The following HECTD4 variants were observed in gnomAD, a reference collection of about 807,000 sequenced individuals.
HECTD4 encodes probable E3 ubiquitin-protein ligase HECTD4.
A neutral mutation model predicts 471.5 loss-of-function variants in HECTD4; 114 were observed. That is an observed-to-expected ratio of 0.24 (90% CI 0.21 to 0.28). The LOEUF is 0.28. Ranked by LOEUF, HECTD4 falls within the 10% of genes least tolerant of loss-of-function variation. The probability of loss-of-function intolerance (pLI) is 1.00; values close to 1 mark genes in which losing one functional copy is unlikely to be tolerated. For synonymous variants in HECTD4, 2,012 were observed against 2,256.0 expected (o/e 0.89, Z 3.07); for missense variants, 3,866 against 5,651.5 (o/e 0.68, Z 10.13).
chr12:112,242,468 C>T (rs2033661933), intron 32 of HECTD4, among the ~76,000 whole-genome samples: 1 of 151,770 alleles, frequency 6.6e-6, no homozygotes, highest in Non-Finnish European at 1.5e-5. Context: ...AATACATTAG[C>T]TGGGCATGGT....
chr12:112,375,771 T>G (rs894939540), intron 1 of HECTD4, among the ~76,000 whole-genome samples: 1 of 152,128 alleles, frequency 6.6e-6, no homozygotes, highest in African/African-American at 2.4e-5. Flanking sequence ...TTTCAACATT[T>G]TAAAAAAATT....
At chr12:112,341,216 A>T (rs1319675226) in intron 1 of HECTD4, among the ~76,000 whole-genome samples, 1 of 152,186 alleles carries the variant, frequency 6.6e-6, no homozygotes, top group East Asian at 1.9e-4. Context: ...GCCACCTGCT[A>T]GGGAACATAC....
At chr12:112,236,175 ACT>A (rs1373176077) in intron 35 of HECTD4, among the ~76,000 whole-genome samples, 1 of 152,126 alleles carries the variant, frequency 6.6e-6, no homozygotes, top group African/African-American at 2.4e-5. Flanking sequence ...CAGAGTGAAG[ACT>A]CAATTTCCCA....
chr12:112,262,625 A>ATTATTT (rs146947965), intron 17 of HECTD4, among the ~76,000 whole-genome samples: 54,432 of 148,320 alleles, frequency 0.37, 14,801 homozygotes, highest in East Asian at 0.85. Flanking sequence ...TATTATTATT[A>ATTATTT]TATTTTTTGA....
intron 60 of HECTD4, among the ~76,000 whole-genome samples, chr12:112,189,550 C>CAAAAAAAAAAAAAAA (rs57209316): frequency 2.0e-4 from 6 of 30,464 alleles, no homozygotes; most frequent in African/African-American, 4.5e-4. Flanking sequence ...GACTCCGTCT[C>CAAAAAAAAAAAAAAA]AAAAAAAAAA....
At chr12:112,231,964 C>T (rs948073462) in intron 38 of HECTD4, among the ~76,000 whole-genome samples, 8 of 152,146 alleles carry the variant, frequency 5.3e-5, no homozygotes, top group African/African-American at 1.9e-4. Context: ...CCGACACAGA[C>T]TGCATTTCAT....
chr12:112,290,937 C>T (rs993054373), intron 7 of HECTD4, among the ~76,000 whole-genome samples: 1 of 151,820 alleles, frequency 6.6e-6, no homozygotes, highest in African/African-American at 2.4e-5. Context: ...GGATTTGTCA[C>T]CAATTTTTAA....
intron 7 of HECTD4, among the ~76,000 whole-genome samples, chr12:112,291,570 C>G (rs1337283775): frequency 1.3e-5 from 2 of 151,528 alleles, no homozygotes; most frequent in African/African-American, 2.4e-5. Flanking sequence ...ACCCCCCCAT[C>G]TTTAAAAAAA....
intron 1 of HECTD4, among the ~76,000 whole-genome samples, chr12:112,332,397 C>A (rs1156625435): frequency 2.6e-5 from 4 of 151,810 alleles, no homozygotes; most frequent in African/African-American, 7.3e-5. Context: ...ATTAGCCGGT[C>A]CTGGTGGTAT....
chr12:112,248,338 G>A lies in HECTD4; in HGVS notation c.4125C>T (p.Ala1375=). Residue 1375 remains alanine (A), a synonymous_variant, in exon 26 of 76, where the codon GCC becomes GCT. Transcript: ENST00000682272. The part of the protein sequence containing the change: ...IMGETFKKLN[A]MERQLQSVAE... ...CATTTACCTGCAGCTGTCTCTCCAT[G>A]GCATTGAGTTTCTTAAAGGTCTCTC... 6.3e-7 allele frequency: 1 copy of A among 1,595,966 alleles called. No homozygotes were observed.
chr12:112,217,681 T>C (rs2135551149), intron 45 of HECTD4, among the ~76,000 whole-genome samples: 1 of 152,348 alleles, frequency 6.6e-6, no homozygotes, highest in East Asian at 1.9e-4. Flanking sequence ...AAAAAGTGTA[T>C]CTTTTTTCCA....
At chr12:112,171,061 T>G in intron 68 of HECTD4, 56 bp downstream of exon 68, 1 of 1,469,178 alleles carries the variant, frequency 6.8e-7, no homozygotes, top group Non-Finnish European at 9.3e-7. Flanking sequence ...CTGGCCCTGG[T>G]GTCTTGCAGG....
At chr12:112,171,302 G>T in intron 67 of HECTD4, 39 bp from the exon 68 acceptor site, 2 of 1,569,344 alleles carry the variant, frequency 1.3e-6, no homozygotes, top group East Asian at 4.7e-5. Context: ...ATCTCGGCCA[G>T]GTGGCTGAGA....
At chr12:112,242,271 T>C (rs1004203785) in intron 32 of HECTD4, among the ~76,000 whole-genome samples, 1 of 152,182 alleles carries the variant, frequency 6.6e-6, no homozygotes, top group African/African-American at 2.4e-5. Context: ...GATGTGTTAA[T>C]TTTTTTAGAA....
intron 18 of HECTD4, 114 bp from the exon 19 acceptor site, chr12:112,259,379 T>A: frequency 1.9e-6 from 2 of 1,078,812 alleles, no homozygotes; most frequent in Non-Finnish European, 2.7e-6. Flanking sequence ...TTAAACTACT[T>A]AAGCACTTTC....
At chr12:112,344,949 A>C (rs1192984387) in intron 1 of HECTD4, among the ~76,000 whole-genome samples, 1 of 151,466 alleles carries the variant, frequency 6.6e-6, no homozygotes, top group African/African-American at 2.4e-5. Context: ...AAGAGAAGAG[A>C]GAAGAGAAGA....
chr12:112,187,622 C>CTTTTTT (rs150976845), intron 60 of HECTD4, among the ~76,000 whole-genome samples: 10 of 85,962 alleles, frequency 1.2e-4, no homozygotes, highest in East Asian at 3.8e-4. Flanking sequence ...GTTTCCTTTC[C>CTTTTTT]TTTTTTTTTT....
In HECTD4 at chr12:112,217,139, C is replaced by T; in HGVS notation, c.7131G>A (p.Met2377Ile). 4.4e-6 allele frequency: 7 copies of T among 1,583,782 alleles called. No homozygotes were observed. Among genetic ancestry groups the T allele is most frequent in the Non-Finnish European group, 6.0e-6 (7 of 1,165,206 alleles). The change falls in exon 46 of 76, where the codon ATG becomes ATA. Residue 2377 changes from methionine (M) to isoleucine (I), a missense_variant. By Grantham distance (10) the Met-to-Ile change is conservative (BLOSUM62 1). This residue lies in a region of HECTD4 where 617 missense variants were observed against 915.1 expected (regional missense o/e 0.67). Coordinates refer to ENST00000682272, the MANE Select transcript of HECTD4 (RefSeq NM_001388303.1). ...SRVFPPVRAC[M>I]FSSHLTSVTF... ...TGACTGAGGTAAGGTGAGATGAGAA[C>T]ATGCAGGCTCGAACAGGCGGAAACA...
intron 70 of HECTD4, 69 bp from the exon 71 acceptor site, chr12:112,167,986 T>C: frequency 6.5e-6 from 8 of 1,237,768 alleles, no homozygotes; most frequent in Non-Finnish European, 2.4e-6. Context: ...TCCCTCCCTC[T>C]CACCTGCTGG....
Sources: gnomAD v4.1 joint callset for allele counts (sites outside exome capture counted in the v4.1 genomes callset) on GRCh38, gnomAD v4.1.1 for gene constraint, gnomAD v4.1.1 regional missense constraint, MANE v1.5 for transcripts, NCBI Gene and HGNC (gene_info 2026-07-23, HGNC 2026-07-21) for gene names.